CDS2: variants seen among roughly 807,000 people sequenced by gnomAD.
The protein encoded by CDS2 is CDP-diacylglycerol synthase 2.
A neutral mutation model predicts 59.0 loss-of-function variants in CDS2; 47 were observed. The observed-to-expected ratio is 0.80, with a 90% CI of 0.63 to 1.02. The LOEUF is 1.02. Ranked by LOEUF, CDS2 falls within the 50% of genes least tolerant of loss-of-function variation. The probability of loss-of-function intolerance (pLI) is 0.00; values close to 1 mark genes in which losing one functional copy is unlikely to be tolerated. For missense variants in CDS2, 356 were observed against 558.9 expected, an observed-to-expected ratio of 0.64 and a Z score of 3.66; for synonymous variants, 207 against 206.4, an observed-to-expected ratio of 1.00 and a Z score of -0.02.
At chr20:5,182,811 A>G (rs771259363) in intron 6 of CDS2, among the ~76,000 whole-genome samples, 3 of 152,218 alleles carry the variant, frequency 2.0e-5, no homozygotes, top group East Asian at 1.9e-4. Flanking sequence ...CAGGTGCTCA[A>G]TAACTACTAA....
intron 2 of CDS2, among the ~76,000 whole-genome samples, chr20:5,174,300 G>A (rs920774638): frequency 3.3e-5 from 5 of 152,190 alleles, no homozygotes; most frequent in African/African-American, 4.8e-5. Context: ...GGTTAAGGGC[G>A]TGGACTTTGC....
At position 5,194,575 on chromosome 20, in the gene CDS2, G is replaced by A. The variant is rs1298924393; in HGVS notation, c.*4341G>A. On this transcript the variant is annotated 3_prime_UTR_variant, in exon 13 of 13. Coordinates refer to ENST00000460006, the MANE Select transcript of CDS2 (RefSeq NM_003818.4). ...TTAAGGCTGTCACCTGTTTGTATAG[G>A]GACCATGTTTCCCAACGCACTTTGA... is the stretch of plus-strand genomic sequence containing the variant. 1 of 152,246 alleles carries A rather than the reference G, an allele frequency of 6.6e-6. No individual in the cohort carries two copies. Among genetic ancestry groups the A allele is most frequent in the African/African-American group, 2.4e-5 (1 of 41,442 alleles). The allele number at this position is 152,246 out of a possible 1,614,324, so 9.4% of individuals were successfully genotyped here.
In CDS2 at chr20:5,130,472, A is replaced by G. The variant is rs2090595426; in HGVS notation, c.57+3323A>G. On this transcript the variant is annotated intron_variant, in intron 1 of 12. Coordinates refer to ENST00000460006, the MANE Select transcript of CDS2 (RefSeq NM_003818.4). ...GAATCCAGTGAACAATTTTCAAGTC[A>G]GTGCTTTAAAAGCTCTGGAATAGGC... 2.0e-5 allele frequency among the ~76,000 whole-genome samples: 3 copies of G among 151,682 alleles called. No homozygotes were observed. The South Asian group carries it at 6.3e-4, about 32-fold the overall frequency.
At chr20:5,180,846 C>A (rs188456784) in intron 5 of CDS2, among the ~76,000 whole-genome samples, 3 of 152,262 alleles carry the variant, frequency 2.0e-5, no homozygotes, top group South Asian at 4.1e-4. Flanking sequence ...TCCTCTGTAA[C>A]TTCTTCAGGC....
intron 1 of CDS2, among the ~76,000 whole-genome samples, chr20:5,150,349 A>G (rs1447174615): frequency 6.6e-6 from 1 of 152,172 alleles, no homozygotes; most frequent in Non-Finnish European, 1.5e-5. Context: ...GTAACTTGAC[A>G]TGTTGGAGTT....
Position 5,193,392 on chromosome 20 carries a change from A to G in CDS2, c.*3158A>G, listed in dbSNP as rs1392900804. On this transcript the variant is annotated 3_prime_UTR_variant, in exon 13 of 13. Coordinates refer to ENST00000460006, the MANE Select transcript of CDS2 (RefSeq NM_003818.4). ...ACTAATCTCTTTCATTGGGGAGGAT[A>G]CAACTTTTGACTTTACACAGGTGGA... 3 of 152,222 alleles carry G rather than the reference A, an allele frequency of 2.0e-5. No homozygotes were observed. Among genetic ancestry groups the G allele is most frequent in the Admixed American group, 6.5e-5 (1 of 15,288 alleles). 9.4% of individuals were successfully genotyped at this position (152,222 alleles called of 1,614,324 possible). A position where few individuals can be genotyped will look rare whatever the true frequency, so the allele number is the denominator to read the frequency against.
chr20:5,188,768 GAAGGTCA>G (rs2091089751), intron 10 of CDS2, among the ~76,000 whole-genome samples: 1 of 152,190 alleles, frequency 6.6e-6, no homozygotes, highest in Non-Finnish European at 1.5e-5. Flanking sequence ...ACATGGCGGA[GAAGGTCA>G]AAGGTGGAAG....
chr20:5,189,721 C>T lies in CDS2; in HGVS notation c.1102-14C>T, dbSNP rs375247624. The T allele has an allele frequency of 1.2e-6, 2 of 1,606,562 alleles. No individual in the cohort carries two copies. Among genetic ancestry groups the T allele is most frequent in the Non-Finnish European group, 1.7e-6 (2 of 1,173,830 alleles). On this transcript the variant is annotated splice_polypyrimidine_tract_variant and intron_variant, in intron 11 of 12. Transcript: ENST00000460006. ...TGAGCCCAAGTTCACCCATCCTTCC[C>T]CTGCCTCTAACAGGACTTTGCCAAT...
rs1310034106 is a variant in CDS2 at position 5,165,346 on chromosome 20, A to G, written c.58-8177A>G. Among the ~76,000 whole-genome samples the G allele has an allele frequency of 2.0e-5, 3 of 152,264 alleles. No individual in the cohort carries two copies. The South Asian group carries it at 6.2e-4, about 32-fold the overall frequency. On this transcript the variant is annotated intron_variant, in intron 1 of 12. Coordinates refer to ENST00000460006, the MANE Select transcript of CDS2 (RefSeq NM_003818.4). ...GAGTGCAAAAATGAATTGTCAGCCT[A>G]CGCGACATGTAGCCCAGCTACACCT...
At chr20:5,139,439 A>G (rs1314452592) in intron 1 of CDS2, among the ~76,000 whole-genome samples, 1 of 152,212 alleles carries the variant, frequency 6.6e-6, no homozygotes, top group Non-Finnish European at 1.5e-5. Flanking sequence ...GAATTAGTTT[A>G]TCAGTTCCAA....
rs201560308 is a variant in CDS2, at chr20:5,189,204, C to G, written c.1101+18C>G. The G allele has an allele frequency of 6.2e-7, 1 of 1,613,828 alleles. No individual in the cohort carries two copies. The highest frequency in any genetic ancestry group is 1.3e-5 in the African/African-American group (1 of 75,034). On this transcript the variant is annotated intron_variant, in intron 11 of 12. Transcript: ENST00000460006. The stretch of plus-strand genomic sequence containing the variant: ...AAATCAAAGTAGGAAAACCGTCTTA[C>G]GTTCCTCTCATCTCACTCCCTCACC...
chr20:5,177,129 G>A (rs1306051119), intron 4 of CDS2, among the ~76,000 whole-genome samples: 1 of 152,138 alleles, frequency 6.6e-6, no homozygotes, highest in African/African-American at 2.4e-5. Context: ...GCTGCATTCT[G>A]TGACTGTGTT....
At chr20:5,147,244 C>T (rs570711254) in intron 1 of CDS2, among the ~76,000 whole-genome samples, 4 of 152,112 alleles carry the variant, frequency 2.6e-5, no homozygotes, top group Non-Finnish European at 5.9e-5. Context: ...ATCTAAGATG[C>T]AATACAGAGG....
At chr20:5,143,732 C>A (rs1463252395) in intron 1 of CDS2, among the ~76,000 whole-genome samples, 1 of 132,042 alleles carries the variant, frequency 7.6e-6, no homozygotes, top group Non-Finnish European at 1.6e-5. Context: ...CTGTTTGAGT[C>A]TCTGCTTTCA....
rs924480694 is a variant in CDS2, at chr20:5,196,595, T to C, written c.*6361T>C. 3.9e-5 allele frequency: 6 copies of C among 152,230 alleles called. 1 individual carries two copies. The highest frequency in any genetic ancestry group is 7.3e-5 in the Non-Finnish European group (5 of 68,044). 9.4% of individuals were successfully genotyped at this position (152,230 alleles called of 1,614,324 possible). On this transcript the variant is annotated 3_prime_UTR_variant, in exon 13 of 13. Transcript: ENST00000460006. ...TGTCCTCGCAGTTTGGATGCCTTTT[T>C]TTGACACCTGCGCTAGGTTCTTGTA... is the stretch of plus-strand genomic sequence containing the variant.
intron 1 of CDS2, among the ~76,000 whole-genome samples, chr20:5,129,847 G>A (rs2090589728): frequency 1.3e-5 from 2 of 151,976 alleles, no homozygotes; most frequent in Admixed American, 6.6e-5. Context: ...CCAAAGTGCT[G>A]AGACTACAGA....
Position 5,190,952 on chromosome 20 carries a change from A to G in CDS2, c.*718A>G, listed in dbSNP as rs2091109839. On this transcript the variant is annotated 3_prime_UTR_variant, in exon 13 of 13. Coordinates refer to ENST00000460006, the MANE Select transcript of CDS2 (RefSeq NM_003818.4). ...AGTGTATGCAGTAGAATGTACTGTA[A>G]CTGAGCCCTTTCCCACATGTCTAGG... 2.0e-5 allele frequency: 3 copies of G among 152,616 alleles called. No homozygotes were observed. In the South Asian group the frequency reaches 6.2e-4, roughly 32 times the overall value. 9.5% of individuals were successfully genotyped at this position (152,616 alleles called of 1,614,324 possible). A position where few individuals can be genotyped will look rare whatever the true frequency, so the allele number is the denominator to read the frequency against.
At chr20:5,149,728 T>A (rs1014733503) in intron 1 of CDS2, among the ~76,000 whole-genome samples, 2 of 151,862 alleles carry the variant, frequency 1.3e-5, no homozygotes, top group African/African-American at 2.4e-5. Context: ...TGTTTTTTGT[T>A]TTTTTGAGAC....
intron 1 of CDS2, among the ~76,000 whole-genome samples, chr20:5,127,832 T>C (rs1165646179): frequency 6.6e-6 from 1 of 151,872 alleles, no homozygotes; most frequent in South Asian, 2.1e-4. Context: ...GTGGACTCCT[T>C]TGGGTGAAGT....
Sources: allele counts gnomAD v4.1 joint callset (sites outside exome capture counted in the v4.1 genomes callset), GRCh38; gene constraint gnomAD v4.1.1; transcripts MANE v1.5; gene names NCBI Gene and HGNC (gene_info 2026-07-23, HGNC 2026-07-21).